The following PLEKHA6 variants were observed in gnomAD, a reference collection of about 807,000 sequenced individuals.
PLEKHA6 encodes pleckstrin homology domain containing A6.
In PLEKHA6, 60 loss-of-function variants were observed where a neutral mutation model predicts 116.7. That is an observed-to-expected ratio of 0.51 (90% CI 0.42 to 0.64). The LOEUF is 0.64. Ranked by LOEUF, PLEKHA6 falls within the 30% of genes least tolerant of loss-of-function variation. The pLI is 0.00. For synonymous variants in PLEKHA6, 489 were observed against 556.1 expected (o/e 0.88, Z 1.70); for missense variants, 1,338 against 1,422.7 (o/e 0.94, Z 0.96).
rs556024351 is a variant in PLEKHA6, at chr1:204,305,006, G to A, written c.-94-30197C>T. On this transcript the variant is annotated intron_variant, in intron 1 of 22. Coordinates refer to ENST00000272203, the MANE Select transcript of PLEKHA6 (RefSeq NM_014935.5). The stretch of plus-strand genomic sequence containing the variant: ...AGCCCCTGAATTTTACCATATCCTC[G>A]CCTGTTCAAATAATTCAGGGACAAT... Among the ~76,000 whole-genome samples, 97 of 152,176 alleles carry A rather than the reference G, an allele frequency of 6.4e-4. 1 individual carries two copies. The South Asian group carries it at 0.01, about 16-fold the overall frequency.
chr1:204,293,233 C>T (rs1027107348), intron 1 of PLEKHA6, among the ~76,000 whole-genome samples: 2 of 152,164 alleles, frequency 1.3e-5, no homozygotes, highest in African/African-American at 4.8e-5. Context: ...CTCCCAAGTT[C>T]AAGCGATTAT....
At chr1:204,305,404 T>C (rs1312690427) in intron 1 of PLEKHA6, among the ~76,000 whole-genome samples, 1 of 152,224 alleles carries the variant, frequency 6.6e-6, no homozygotes, top group Non-Finnish European at 1.5e-5. Flanking sequence ...CAGCATCTTT[T>C]GGCTCCAGTT....
chr1:204,249,026 G>C (rs1359069974), intron 11 of PLEKHA6, 56 bp from the exon 12 acceptor site: 3 of 1,582,036 alleles, frequency 1.9e-6, no homozygotes, highest in Non-Finnish European at 2.6e-6. Context: ...CTCTGGGATT[G>C]AACAGCAGAG....
At chr1:204,282,087 T>C (rs80257231) in intron 1 of PLEKHA6, among the ~76,000 whole-genome samples, 5,450 of 152,254 alleles carry the variant, frequency 0.036, 317 homozygotes, top group African/African-American at 0.12. Flanking sequence ...CCCCATTTTC[T>C]CACTGTAGTG....
intron 1 of PLEKHA6, among the ~76,000 whole-genome samples, chr1:204,341,644 G>A (rs1245058393): frequency 6.6e-6 from 1 of 152,200 alleles, no homozygotes; most frequent in East Asian, 1.9e-4. Context: ...TAAAGACTTA[G>A]AAGGCATGGT....
chr1:204,242,246 T>G (rs1662934007), intron 15 of PLEKHA6, among the ~76,000 whole-genome samples: 1 of 152,186 alleles, frequency 6.6e-6, no homozygotes, highest in Non-Finnish European at 1.5e-5. Context: ...ACTTAGTGTG[T>G]GGGCTCACAA....
intron 1 of PLEKHA6, among the ~76,000 whole-genome samples, chr1:204,295,002 A>G (rs1670133287): frequency 6.6e-6 from 1 of 152,230 alleles, no homozygotes; most frequent in South Asian, 2.1e-4. Flanking sequence ...TTCCTAAAGA[A>G]GTTATCCATC....
At position 204,335,508 on chromosome 1, in the gene PLEKHA6, G is replaced by T. The variant is rs145455154; in HGVS notation, c.-95+24186C>A. On this transcript the variant is annotated intron_variant, in intron 1 of 22. Coordinates refer to ENST00000272203, the MANE Select transcript of PLEKHA6 (RefSeq NM_014935.5). ...CTGAAGGGGATCCCATCTCTCAAAG[G>T]CATCTTTACGCCGCAGTGGCCGCTG... 4.1e-4 allele frequency among the ~76,000 whole-genome samples: 63 copies of T among 152,154 alleles called. 1 individual carries two copies. The East Asian group carries it at 0.011, about 28-fold the overall frequency.
chr1:204,357,641 G>A (rs1159770397), intron 1 of PLEKHA6, among the ~76,000 whole-genome samples: 1 of 152,220 alleles, frequency 6.6e-6, no homozygotes, highest in Non-Finnish European at 1.5e-5. Context: ...GGCCCCATGG[G>A]TGCGCCAAGA....
chr1:204,241,873 C>A, intron 15 of PLEKHA6, 59 bp from the exon 16 acceptor site: 1 of 1,577,930 alleles, frequency 6.3e-7, no homozygotes, highest in South Asian at 1.1e-5. Context: ...AACTTGGCCC[C>A]CAGTGATGTT....
intron 21 of PLEKHA6, among the ~76,000 whole-genome samples, chr1:204,227,859 C>A (rs1444452590): frequency 6.6e-6 from 1 of 152,222 alleles, no homozygotes; most frequent in Non-Finnish European, 1.5e-5. Context: ...TAAGGATCAT[C>A]CCGGCTCTGA....
rs763710605 is a variant in PLEKHA6, at chr1:204,335,455, A to G, written c.-95+24239T>C. ...CTCCTGGAGTAGGGGACAGGGAGGGAGGCTGCACTTCAGGGCTAGAGAAGA... is the reference window on the plus strand; with the variant it reads ...CTCCTGGAGTAGGGGACAGGGAGGGGGGCTGCACTTCAGGGCTAGAGAAGA... On this transcript the variant is annotated intron_variant, in intron 1 of 22. Coordinates refer to ENST00000272203, the MANE Select transcript of PLEKHA6 (RefSeq NM_014935.5). Among the ~76,000 whole-genome samples the G allele has an allele frequency of 2.0e-5, 3 of 152,152 alleles. No homozygotes were observed. In the Middle Eastern group the frequency reaches 0.01, roughly 518 times the overall value.
At position 204,257,916 on chromosome 1, in the gene PLEKHA6, C is replaced by A; in HGVS notation, c.1008-47G>T. On this transcript the variant is annotated intron_variant, in intron 8 of 22. Transcript: ENST00000272203. The surrounding 1 kb of genome is among the most constrained non-coding windows in gnomAD (Gnocchi z 6.5). ...AATGAAGGCAGACAACACGGGCACC[C>A]CTCCACCCACCCCAGCCCCACCTCC... 1 of 1,540,022 alleles carries A rather than the reference C, an allele frequency of 6.5e-7. No homozygotes were observed. The highest frequency in any genetic ancestry group is 1.2e-5 in the South Asian group (1 of 80,468).
intron 3 of PLEKHA6, among the ~76,000 whole-genome samples, chr1:204,367,061 C>G (rs1673676841): frequency 6.6e-6 from 1 of 152,230 alleles, no homozygotes; most frequent in African/African-American, 2.4e-5. Flanking sequence ...CCTGGGCACG[C>G]TGAGCCTCAC....
intron 9 of PLEKHA6, among the ~76,000 whole-genome samples, chr1:204,253,001 T>C (rs1341248519): frequency 6.6e-6 from 1 of 152,182 alleles, no homozygotes; most frequent in Non-Finnish European, 1.5e-5. Context: ...TCAGCACAGG[T>C]GGGTCTTACC....
At chr1:204,309,852 T>C (rs1157310899) in intron 1 of PLEKHA6, 3 of 212,024 alleles carry the variant, frequency 1.4e-5, no homozygotes, top group African/African-American at 7.0e-5. Context: ...TTGTAGGCCA[T>C]ACAGTCCCTG....
intron 17 of PLEKHA6, among the ~76,000 whole-genome samples, chr1:204,231,703 G>A (rs1661201886): frequency 6.6e-6 from 1 of 151,758 alleles, no homozygotes; most frequent in African/African-American, 2.4e-5. Flanking sequence ...AAGTAGCTGG[G>A]ACTACAGACA....
intron 1 of PLEKHA6, among the ~76,000 whole-genome samples, chr1:204,324,512 T>C (rs1672175129): frequency 6.6e-6 from 1 of 152,138 alleles, no homozygotes; most frequent in Non-Finnish European, 1.5e-5. Flanking sequence ...CAGAAATGTC[T>C]CACCATCAAT....
Position 204,304,513 on chromosome 1 carries a change from T to C in PLEKHA6, c.-94-29704A>G, listed in dbSNP as rs920917217. Among the ~76,000 whole-genome samples, 4 of 152,318 alleles carry C rather than the reference T, an allele frequency of 2.6e-5. No individual in the cohort carries two copies. The South Asian group carries it at 6.2e-4, about 24-fold the overall frequency. On this transcript the variant is annotated intron_variant, in intron 1 of 22. Coordinates refer to ENST00000272203, the MANE Select transcript of PLEKHA6 (RefSeq NM_014935.5). ...CTTTTAATTTTGCTAAATAAGGATA[T>C]TTTAAAAGCCTGATTACCATCTACT... is the stretch of plus-strand genomic sequence containing the variant.
Sources: gnomAD v4.1 joint callset for allele counts (sites outside exome capture counted in the v4.1 genomes callset) on GRCh38, gnomAD v4.1.1 for gene constraint, Gnocchi (gnomAD v3.1) non-coding constraint, MANE v1.5 for transcripts, NCBI Gene and HGNC (gene_info 2026-07-23, HGNC 2026-07-21) for gene names.